The following FXR1 variants were observed in gnomAD, a reference collection of about 807,000 sequenced individuals.
FXR1 encodes RNA-binding protein FXR1.
FXR1 carries 15 observed loss-of-function variants against 84.0 expected under a neutral mutation model. The observed-to-expected ratio is 0.18, with a 90% CI of 0.12 to 0.27. FXR1 has a LOEUF of 0.27. Among genes scored for constraint, FXR1 ranks in the 10% least tolerant of loss-of-function variants. The pLI is 1.00. For synonymous variants in FXR1, 245 were observed against 250.7 expected, an observed-to-expected ratio of 0.98 and a Z score of 0.21; for missense variants, 480 against 774.4, an observed-to-expected ratio of 0.62 and a Z score of 4.51.
At chr3:180,927,535 C>A in intron 1 of FXR1, 2 of 548,144 alleles carry the variant, frequency 3.6e-6, no homozygotes, top group Non-Finnish European at 3.2e-6. Context: ...GATTTTTTTT[C>A]CACAACGGCT....
At chr3:180,939,286 A>G (rs758139346) in intron 3 of FXR1, among the ~76,000 whole-genome samples, 5 of 152,130 alleles carry the variant, frequency 3.3e-5, no homozygotes, top group Non-Finnish European at 5.9e-5. Context: ...TAATCCTTTT[A>G]GGTTGCTTCA....
chr3:180,975,576 G>A (rs570991780), intron 16 of FXR1, among the ~76,000 whole-genome samples, 172 bp downstream of exon 16: 1 of 152,200 alleles, frequency 6.6e-6, no homozygotes, highest in Non-Finnish European at 1.5e-5. Flanking sequence ...AGATATGCAT[G>A]CTTGAGCCTG....
chr3:180,915,023 A>G, intron 1 of FXR1: 1 of 597,484 alleles, frequency 1.7e-6, no homozygotes, highest in Non-Finnish European at 2.1e-6. Context: ...CCATTATCTA[A>G]CAATGGACCC....
At chr3:180,959,107 T>C (rs922957801) in intron 10 of FXR1, among the ~76,000 whole-genome samples, 1 of 152,132 alleles carries the variant, frequency 6.6e-6, no homozygotes, top group Non-Finnish European at 1.5e-5. Context: ...TGCCCGGCCT[T>C]GACCATTTCT....
At chr3:180,920,769 C>T (rs1718488102) in intron 1 of FXR1, among the ~76,000 whole-genome samples, 1 of 152,126 alleles carries the variant, frequency 6.6e-6, no homozygotes, top group Non-Finnish European at 1.5e-5. Context: ...CCTCAGCCTC[C>T]CAAAGTGCTA....
At chr3:180,975,024 A>G (rs532193241) in intron 15 of FXR1, among the ~76,000 whole-genome samples, 1 of 137,598 alleles carries the variant, frequency 7.3e-6, no homozygotes, top group Admixed American at 8.7e-5. Context: ...GGGTTTCTCT[A>G]ACAACTTTGT....
At chr3:180,974,744 T>A (rs1714014096) in intron 15 of FXR1, among the ~76,000 whole-genome samples, 1 of 152,104 alleles carries the variant, frequency 6.6e-6, no homozygotes, top group South Asian at 2.1e-4. Flanking sequence ...TTGCTTGTAG[T>A]TTCTTATTTT....
intron 9 of FXR1, among the ~76,000 whole-genome samples, chr3:180,954,987 ATTT>A (rs35677270): frequency 3.0e-5 from 4 of 132,700 alleles, no homozygotes; most frequent in Admixed American, 8.1e-5. Flanking sequence ...GTAAAAATAA[ATTT>A]TTTTTTTTTT....
At chr3:180,924,036 G>A (rs1421708330) in intron 1 of FXR1, among the ~76,000 whole-genome samples, 2 of 152,196 alleles carry the variant, frequency 1.3e-5, no homozygotes, top group East Asian at 3.9e-4. Context: ...TTGGCCCACT[G>A]AAACCTCTGC....
At chr3:180,954,681 G>A (rs1722562350) in intron 9 of FXR1, among the ~76,000 whole-genome samples, 1 of 152,016 alleles carries the variant, frequency 6.6e-6, no homozygotes, top group Admixed American at 6.6e-5. Context: ...GGAGGGGGAC[G>A]AGTTTTTGTT....
intron 3 of FXR1, among the ~76,000 whole-genome samples, chr3:180,947,612 A>G (rs1468142057): frequency 6.6e-6 from 1 of 152,250 alleles, no homozygotes; most frequent in East Asian, 1.9e-4. Flanking sequence ...TTAAAATAAT[A>G]CTTATGTTTA....
intron 1 of FXR1, chr3:180,915,361 C>T (rs1339417790): frequency 1.6e-6 from 1 of 610,670 alleles, no homozygotes; most frequent in Admixed American, 3.3e-5. Context: ...TCAACCCCAG[C>T]TTCTAGAGTG....
Position 180,962,847 on chromosome 3 carries a change from T to A in FXR1, c.1078-36T>A, listed in dbSNP as rs368741995. On this transcript the variant is annotated intron_variant, in intron 11 of 16. Transcript: ENST00000357559. The stretch of plus-strand genomic sequence containing the variant: ...GGCTTTAGGAAAACAAAAAGTTATA[T>A]ATAAGAAGACTTACTCTTTTTTGTT... 3.5e-6 allele frequency: 5 copies of A among 1,418,904 alleles called. No homozygotes were observed. The South Asian group carries it at 5.8e-5, about 17-fold the overall frequency. 87.9% of individuals were successfully genotyped at this position (1,418,904 alleles called of 1,614,324 possible). A position where few individuals can be genotyped will look rare whatever the true frequency, so the allele number is the denominator to read the frequency against.
At chr3:180,958,357 C>T (rs1377421507) in intron 10 of FXR1, among the ~76,000 whole-genome samples, 2 of 151,948 alleles carry the variant, frequency 1.3e-5, no homozygotes, top group Admixed American at 6.6e-5. Flanking sequence ...ACACTGTATC[C>T]AATATGTAGT....
intron 9 of FXR1, among the ~76,000 whole-genome samples, chr3:180,954,897 T>G (rs9876847): frequency 7.5e-6 from 1 of 133,922 alleles, no homozygotes. Flanking sequence ...TTTTTTTTGG[T>G]CATTAGTAAG....
In FXR1 at chr3:180,980,687, C is replaced by T. The variant is rs1233479750; in HGVS notation, c.*4395C>T. 6.6e-6 allele frequency: 1 copy of T among 151,896 alleles called. No homozygotes were observed. The highest frequency in any genetic ancestry group is 1.5e-5 in the Non-Finnish European group (1 of 67,898). The allele number at this position is 151,896 out of a possible 1,614,324, so 9.4% of individuals were successfully genotyped here. A position where few individuals can be genotyped will look rare whatever the true frequency, so the allele number is the denominator to read the frequency against. On this transcript the variant is annotated 3_prime_UTR_variant, in exon 17 of 17. Coordinates refer to ENST00000357559, the MANE Select transcript of FXR1 (RefSeq NM_005087.4). Reference sequence around the variant, plus strand: ...CAAATGTTAACCATAACAGATTATCCCATATCATTGGACTGTTCTATTATT... The same window carrying T: ...CAAATGTTAACCATAACAGATTATCTCATATCATTGGACTGTTCTATTATT...
Position 180,976,220 on chromosome 3 carries a change from A to T in FXR1, c.1794A>T (p.Pro598=), listed in dbSNP as rs1577014951. The change falls in exon 17 of 17, where the codon CCA becomes CCT. Residue 598 remains proline, a synonymous_variant. Coordinates refer to ENST00000357559, the MANE Select transcript of FXR1 (RefSeq NM_005087.4). The part of the protein sequence containing the change: ...GDDISKLQRT[P]GEEKINTLKE... ...ACATTTCTAAGCTACAGCGTACTCC[A>T]GGAGAAGAAAAGATTAATACCTTAA... 2 of 1,612,354 alleles carry T rather than the reference A, an allele frequency of 1.2e-6. No individual in the cohort carries two copies. Among genetic ancestry groups the T allele is most frequent in the South Asian group, 2.2e-5 (2 of 91,010 alleles).
intron 15 of FXR1, among the ~76,000 whole-genome samples, chr3:180,973,341 T>A (rs1197905127): frequency 2.6e-5 from 4 of 152,222 alleles, no homozygotes; most frequent in Non-Finnish European, 5.9e-5. Context: ...CTAGAATTGT[T>A]TCAACAATGT....
At chr3:180,948,534 TAAG>T (rs749100380) in intron 5 of FXR1, 39 bp downstream of exon 5, 35 of 1,445,928 alleles carry the variant, frequency 2.4e-5, no homozygotes, top group East Asian at 1.1e-4. Context: ...TTCTGTGAAT[TAAG>T]AAGATTTTTC....
Sources: allele counts gnomAD v4.1 joint callset (sites outside exome capture counted in the v4.1 genomes callset), GRCh38; gene constraint gnomAD v4.1.1; transcripts MANE v1.5; gene names NCBI Gene and HGNC (gene_info 2026-07-23, HGNC 2026-07-21).